SFXN5: variants seen among roughly 807,000 people sequenced by gnomAD.
SFXN5 encodes the protein sideroflexin-5.
SFXN5 carries 43 observed loss-of-function variants against 50.2 expected under a neutral mutation model. The observed-to-expected ratio is 0.86, with a 90% CI of 0.67 to 1.11. The LOEUF is 1.11. Among genes scored for constraint, SFXN5 ranks in the 50% least tolerant of loss-of-function variants. SFXN5 has a pLI of 0.00. For missense variants in SFXN5, 463 were observed against 454.1 expected (o/e 1.02, Z -0.18); for synonymous variants, 203 against 185.8 (o/e 1.09, Z -0.75).
At chr2:73,044,834 G>T (rs956033441) in intron 2 of SFXN5, among the ~76,000 whole-genome samples, 1 of 152,236 alleles carries the variant, frequency 6.6e-6, no homozygotes, top group Admixed American at 6.5e-5. Context: ...GATCCCTCTG[G>T]AGGGGCCTGC....
intron 2 of SFXN5, among the ~76,000 whole-genome samples, chr2:73,047,337 A>G (rs1413297634): frequency 7.3e-6 from 1 of 137,850 alleles, no homozygotes; most frequent in Non-Finnish European, 1.5e-5. Flanking sequence ...ATGTGTATAT[A>G]TATGTACATA....
At chr2:73,047,234 AAAAAAAAAAAAAT>A (rs1184862998) in intron 2 of SFXN5, among the ~76,000 whole-genome samples, 61 of 66,696 alleles carry the variant, frequency 9.1e-4, no homozygotes, top group African/African-American at 2.2e-3. Flanking sequence ...AAAAAAAAAA[AAAAAAAAAAAAAT>A]ATATATATAT....
At chr2:73,038,108 C>T (rs909140048) in intron 3 of SFXN5, among the ~76,000 whole-genome samples, 1 of 152,186 alleles carries the variant, frequency 6.6e-6, no homozygotes, top group African/African-American at 2.4e-5. Flanking sequence ...ATAGAGCATC[C>T]TTACACAAAC....
At chr2:72,977,189 G>A (rs1268031459) in intron 10 of SFXN5, among the ~76,000 whole-genome samples, 1 of 152,202 alleles carries the variant, frequency 6.6e-6, no homozygotes, top group African/African-American at 2.4e-5. Context: ...ACAAGCCTGA[G>A]ATGAAGCCCA....
chr2:72,998,123 T>C (rs1230562890), intron 9 of SFXN5: 1 of 152,174 alleles, frequency 6.6e-6, no homozygotes, highest in East Asian at 1.9e-4. Context: ...CATTAATGTA[T>C]TGTGTAATGG....
chr2:73,044,614 G>A (rs1365047903), intron 2 of SFXN5: 1 of 152,656 alleles, frequency 6.6e-6, no homozygotes, highest in African/African-American at 2.4e-5. Flanking sequence ...TGGGAGGTTG[G>A]TGGCAGGGTG....
At chr2:72,951,750 T>A (rs773939240) in intron 13 of SFXN5, among the ~76,000 whole-genome samples, 17 of 152,058 alleles carry the variant, frequency 1.1e-4, no homozygotes, top group Non-Finnish European at 1.9e-4. Flanking sequence ...TGTGACCCTG[T>A]GACATAGCTC....
intron 9 of SFXN5, chr2:72,998,580 C>G (rs1000076236): frequency 1.2e-4 from 27 of 231,222 alleles, no homozygotes; most frequent in African/African-American, 5.4e-4. Context: ...ATGGGCAGGC[C>G]TTGCAGAGTC....
intron 6 of SFXN5, among the ~76,000 whole-genome samples, chr2:73,008,214 C>T (rs1217392294): frequency 6.6e-6 from 1 of 152,206 alleles, no homozygotes; most frequent in Non-Finnish European, 1.5e-5. Context: ...TTCTTAATGT[C>T]TCAAGACAGA....
intron 1 of SFXN5, chr2:73,071,225 A>T (rs1235435656): frequency 4.3e-6 from 1 of 233,678 alleles, no homozygotes; most frequent in Non-Finnish European, 8.4e-6. Flanking sequence ...CCAGGGCCAG[A>T]CTAGAACTTT....
chr2:72,995,359 T>C (rs1191741698), intron 9 of SFXN5, among the ~76,000 whole-genome samples: 1 of 152,338 alleles, frequency 6.6e-6, no homozygotes, highest in East Asian at 1.9e-4. Context: ...CAGCCAGACA[T>C]TGCCAAATCT....
chr2:72,980,749 T>C (rs1397162139), intron 10 of SFXN5, among the ~76,000 whole-genome samples: 6 of 152,102 alleles, frequency 3.9e-5, no homozygotes, highest in Non-Finnish European at 8.8e-5. Flanking sequence ...TGGTTCCTCA[T>C]CAACCAAAGA....
Position 72,950,433 on chromosome 2 carries a change from C to A in SFXN5, c.946-5334G>T, listed in dbSNP as rs1672409796. On this transcript the variant is annotated intron_variant, in intron 13 of 13. Transcript: ENST00000272433. This position sits in a 1 kb window ranked among gnomAD's most constrained non-coding sequence, Gnocchi z 4.2. ...CAACTTAACTGGTCATTTGTTAGGA[C>A]CCCTCCAGCTCTCTGGCCATGGCCA... is the stretch of plus-strand genomic sequence containing the variant. Among the ~76,000 whole-genome samples, 1 of 152,202 alleles carries A rather than the reference C, an allele frequency of 6.6e-6. No homozygotes were observed. Among genetic ancestry groups the A allele is most frequent in the South Asian group, 2.1e-4 (1 of 4,834 alleles).
chr2:72,976,283 T>C (rs868359680), intron 10 of SFXN5, among the ~76,000 whole-genome samples: 42 of 151,036 alleles, frequency 2.8e-4, no homozygotes, highest in African/African-American at 9.8e-4. Flanking sequence ...TCATGTTTCA[T>C]TTACCCAAAA....
chr2:72,957,433 G>C (rs557162868), intron 13 of SFXN5, among the ~76,000 whole-genome samples: 1 of 152,360 alleles, frequency 6.6e-6, no homozygotes, highest in African/African-American at 2.4e-5. Context: ...AGGAAGGATT[G>C]AAGTCCTTGC....
At chr2:73,023,339 C>G (rs1677145506) in intron 3 of SFXN5, 125 bp from the exon 4 acceptor site, 1 of 917,690 alleles carries the variant, frequency 1.1e-6, no homozygotes, top group Admixed American at 2.4e-5. Flanking sequence ...GAAGCTCGGG[C>G]TATCCTTGCC....
rs1671698611 is a variant in SFXN5, at chr2:72,944,198, G to C, written c.*824C>G. The stretch of plus-strand genomic sequence containing the variant: ...GATCTTCCCGAAGAGGCCAAGTGCA[G>C]GTCCATGGTTCCTGCCAAGCACCAT... On this transcript the variant is annotated 3_prime_UTR_variant, in exon 14 of 14. Coordinates refer to ENST00000272433, the MANE Select transcript of SFXN5 (RefSeq NM_144579.3). The C allele has an allele frequency of 6.6e-6, 1 of 152,300 alleles. No individual in the cohort carries two copies. Among genetic ancestry groups the C allele is most frequent in the African/African-American group, 2.4e-5 (1 of 41,440 alleles). 9.4% of individuals were successfully genotyped at this position (152,300 alleles called of 1,614,324 possible). A position where few individuals can be genotyped will look rare whatever the true frequency, so the allele number is the denominator to read the frequency against.
intron 2 of SFXN5, among the ~76,000 whole-genome samples, chr2:73,045,351 G>A (rs1237668838): frequency 6.6e-6 from 1 of 152,060 alleles, no homozygotes; most frequent in Non-Finnish European, 1.5e-5. Context: ...CAGAACTGAT[G>A]GCCTCTGAGG....
At position 73,047,275 on chromosome 2, in the gene SFXN5, T is replaced by TAC. The variant is rs1300394771; in HGVS notation, c.172-6346_172-6345dup. 4.6e-3 allele frequency among the ~76,000 whole-genome samples: 239 copies of TAC among 51,444 alleles called. 4 individuals carry two copies. The highest frequency in any genetic ancestry group is 0.013 in the East Asian group (23 of 1,754). 33.7% of individuals were successfully genotyped at this position (51,444 alleles called of 152,430 possible). ...ATATATATATATATATATATATATA[T>TAC]ACACACATATATATATATATATAAA... On this transcript the variant is annotated intron_variant, in intron 2 of 13. Coordinates refer to ENST00000272433, the MANE Select transcript of SFXN5 (RefSeq NM_144579.3).
Sources: allele counts gnomAD v4.1 joint callset (sites outside exome capture counted in the v4.1 genomes callset), GRCh38; gene constraint gnomAD v4.1.1; non-coding constraint Gnocchi (gnomAD v3.1); transcripts MANE v1.5; gene names NCBI Gene and HGNC (gene_info 2026-07-23, HGNC 2026-07-21).